The following ALK variants were observed in gnomAD, a reference collection of about 807,000 sequenced individuals.
ALK encodes the protein ALK receptor tyrosine kinase.
Under a neutral mutation model 163.1 loss-of-function variants are expected in ALK, and 74 were observed. That is an observed-to-expected ratio of 0.45 (90% CI 0.38 to 0.55). The LOEUF (loss-of-function observed/expected upper bound fraction) is 0.55, where lower values mean the gene tolerates loss of function less well. ALK is among the 20% of genes least tolerant of loss of function. The probability of loss-of-function intolerance (pLI) is 0.00; values close to 1 mark genes in which losing one functional copy is unlikely to be tolerated. For synonymous variants in ALK, 960 were observed against 843.2 expected (o/e 1.14, Z -2.40); for missense variants, 2,063 against 2,105.3 (o/e 0.98, Z 0.39).
chr2:29,520,277 G>C (rs1672778101), intron 4 of ALK, among the ~76,000 whole-genome samples: 2 of 152,200 alleles, frequency 1.3e-5, no homozygotes, highest in South Asian at 4.1e-4. Context: ...TCGTTATGAA[G>C]AACAGAGATG....
chr2:29,200,742 TATATATATAC>T (rs1285437919), intron 26 of ALK, among the ~76,000 whole-genome samples: 1 of 110,286 alleles, frequency 9.1e-6, no homozygotes, highest in African/African-American at 6.1e-5. Flanking sequence ...TATATATACG[TATATATATAC>T]GTATATATGT....
At chr2:29,834,443 G>C (rs1665504258) in intron 1 of ALK, among the ~76,000 whole-genome samples, 1 of 152,094 alleles carries the variant, frequency 6.6e-6, no homozygotes, top group South Asian at 2.1e-4. Flanking sequence ...AAAATTCTAG[G>C]GGAAGTACCA....
intron 3 of ALK, among the ~76,000 whole-genome samples, chr2:29,536,680 GGAGAAGC>G (rs1484069652): frequency 8.5e-5 from 13 of 152,132 alleles, no homozygotes; most frequent in African/African-American, 3.1e-4. Flanking sequence ...AATTTGGGCG[GGAGAAGC>G]TCACAAGACA....
chr2:29,193,527 A>G lies in ALK; in HGVS notation c.4560T>C (p.Asn1520=). The G allele has an allele frequency of 1.2e-6, 2 of 1,613,804 alleles. No individual in the cohort carries two copies. Among genetic ancestry groups the G allele is most frequent in the Non-Finnish European group, 1.7e-6 (2 of 1,179,970 alleles). ...WFTEKPTKKN[N]PIAKKEPHDR... is the part of the protein sequence containing the mutation. ...CGTGTGGCTCCTTCTTTGCTATAGG[A>G]TTATTCTTTTTGGTGGGTTTCTCTG... is the stretch of plus-strand genomic sequence containing the variant. The change falls in exon 29 of 29, where the codon AAT becomes AAC. Residue 1520 remains asparagine, a synonymous_variant. Transcript: ENST00000389048.
chr2:29,867,462 G>T (rs1358667407), intron 1 of ALK, among the ~76,000 whole-genome samples: 2 of 152,116 alleles, frequency 1.3e-5, no homozygotes, highest in Non-Finnish European at 2.9e-5. Flanking sequence ...TGTCCCAAAA[G>T]GATATTCAGC....
intron 5 of ALK, among the ~76,000 whole-genome samples, chr2:29,359,108 A>AG (rs1668327493): frequency 6.6e-6 from 1 of 151,774 alleles, no homozygotes; most frequent in African/African-American, 2.4e-5. Flanking sequence ...GTAATTAAAA[A>AG]AAAAAACTAA....
chr2:29,780,711 A>G (rs988460723), intron 1 of ALK, among the ~76,000 whole-genome samples: 7 of 152,208 alleles, frequency 4.6e-5, no homozygotes, highest in African/African-American at 1.7e-4. Context: ...GTTTCGGGGT[A>G]ACAGATGCCA....
Position 29,920,562 on chromosome 2 carries a change from G to C in ALK, c.98C>G (p.Ala33Gly), listed in dbSNP as rs1037134870. Reference protein sequence around the residue: ...MGTGQRAGSPAAGPPLQPREP... With the variant: ...MGTGQRAGSPGAGPPLQPREP... ...CCGGGGCTGCAGCGGCGGCCCCGCA[G>C]CTGGGGAGCCCGCGCGCTGGCCGGT... The change falls in exon 1 of 29, where the codon GCT (alanine) becomes GGT (glycine). Residue 33 changes from alanine (A) to glycine (G), a missense_variant. Physicochemically the swap from Ala to Gly is moderately conservative, Grantham distance 60 (BLOSUM62 0). Coordinates refer to ENST00000389048, the MANE Select transcript of ALK (RefSeq NM_004304.5). 1.3e-6 allele frequency: 2 copies of C among 1,598,580 alleles called. No homozygotes were observed. Among genetic ancestry groups the C allele is most frequent in the Non-Finnish European group, 1.7e-6 (2 of 1,175,400 alleles).
chr2:29,858,256 T>C (rs1003532751), intron 1 of ALK, among the ~76,000 whole-genome samples: 1 of 152,286 alleles, frequency 6.6e-6, no homozygotes, highest in South Asian at 2.1e-4. Flanking sequence ...TAATCTCCAC[T>C]TCTATAATCT....
intron 14 of ALK, among the ~76,000 whole-genome samples, chr2:29,233,095 CAG>C (rs1664263239): frequency 6.6e-6 from 1 of 152,194 alleles, no homozygotes; most frequent in Non-Finnish European, 1.5e-5. Flanking sequence ...CCTGGACAGA[CAG>C]ACTCTATATC....
intron 3 of ALK, among the ~76,000 whole-genome samples, chr2:29,550,834 A>C (rs924984851): frequency 6.6e-6 from 1 of 152,120 alleles, no homozygotes; most frequent in Admixed American, 6.5e-5. Flanking sequence ...TTTTTATTTC[A>C]CCACCTGCAT....
intron 4 of ALK, among the ~76,000 whole-genome samples, chr2:29,496,453 C>T (rs887691110): frequency 2.6e-5 from 4 of 152,162 alleles, no homozygotes; most frequent in Non-Finnish European, 4.4e-5. Flanking sequence ...AAGGTATTTG[C>T]ATCATCACTG....
chr2:29,539,207 T>A (rs1673347300), intron 3 of ALK, among the ~76,000 whole-genome samples: 1 of 152,192 alleles, frequency 6.6e-6, no homozygotes, highest in Admixed American at 6.5e-5. Context: ...CTGCAGTGAA[T>A]AAGGGTTATA....
chr2:29,808,307 A>G (rs73922301), intron 1 of ALK, among the ~76,000 whole-genome samples: 3,663 of 152,202 alleles, frequency 0.024, 138 homozygotes, highest in African/African-American at 0.082. Context: ...GGTGTCTCCT[A>G]TGAAGGTGGA....
intron 11 of ALK, among the ~76,000 whole-genome samples, chr2:29,252,196 C>T (rs1256276164): frequency 1.4e-5 from 2 of 146,408 alleles, no homozygotes; most frequent in Admixed American, 6.9e-5. Context: ...CGGGCCATTT[C>T]CTTTCAAACT....
chr2:29,440,559 C>T (rs1361579676), intron 4 of ALK, among the ~76,000 whole-genome samples: 7 of 152,104 alleles, frequency 4.6e-5, no homozygotes, highest in East Asian at 1.9e-4. Context: ...TCAGGTGATC[C>T]GCCTGCCTTG....
At chr2:29,381,435 A>T (rs1013214017) in intron 5 of ALK, among the ~76,000 whole-genome samples, 1 of 152,250 alleles carries the variant, frequency 6.6e-6, no homozygotes, top group Non-Finnish European at 1.5e-5. Flanking sequence ...TGACACCCAC[A>T]GATAGATATT....
In ALK at chr2:29,213,917, G is replaced by C. The variant is rs2148159052; in HGVS notation, c.3743+67C>G. On this transcript the variant is annotated intron_variant, in intron 24 of 28. Coordinates refer to ENST00000389048, the MANE Select transcript of ALK (RefSeq NM_004304.5). ...TCTGAAGGGGGAAATGTGAGCCCTT[G>C]AGATCTGCGGGGAAGCACACAGATC... 2.2e-6 allele frequency: 3 copies of C among 1,362,240 alleles called. No homozygotes were observed. The South Asian group carries it at 3.5e-5, about 16-fold the overall frequency. The allele number at this position is 1,362,240 out of a possible 1,614,324, so 84.4% of individuals were successfully genotyped here.
At chr2:29,382,632 T>A (rs1321362657) in intron 5 of ALK, among the ~76,000 whole-genome samples, 2 of 152,224 alleles carry the variant, frequency 1.3e-5, no homozygotes, top group African/African-American at 4.8e-5. Flanking sequence ...ATCCTTGACA[T>A]CTGTGAGGAC....
Sources: allele counts gnomAD v4.1 joint callset (sites outside exome capture counted in the v4.1 genomes callset), GRCh38; gene constraint gnomAD v4.1.1; transcripts MANE v1.5; gene names NCBI Gene and HGNC (gene_info 2026-07-23, HGNC 2026-07-21).